The following FERRY3 variants were observed in gnomAD, a reference collection of about 807,000 sequenced individuals.
FERRY3 encodes the protein protein C12orf4.
At chr12:4,536,796 T>C in the FERRY3 span, among the ~76,000 whole-genome samples, 1 of 152,094 alleles carries the variant, frequency 6.6e-6, no homozygotes, top group African/African-American at 2.4e-5. Context: ...AAGAAGAAAA[T>C]CTAGTTAAAG....
At chr12:4,536,550 T>G in the FERRY3 span, among the ~76,000 whole-genome samples, 1 of 151,710 alleles carries the variant, frequency 6.6e-6, no homozygotes, top group Non-Finnish European at 1.5e-5. Context: ...AGTTCATGGG[T>G]GGGGAAATAC....
chr12:4,507,083 T>C, the FERRY3 span, among the ~76,000 whole-genome samples: 1 of 152,162 alleles, frequency 6.6e-6, no homozygotes, highest in Non-Finnish European at 1.5e-5. Flanking sequence ...AAACTTCCTG[T>C]CATTGACTGC....
At chr12:4,505,423 TGAGA>T in the FERRY3 span, 27 of 1,345,938 alleles carry the variant, frequency 2.0e-5, no homozygotes, top group Non-Finnish European at 2.7e-5. Flanking sequence ...TAACAACATA[TGAGA>T]ATATGTTACT....
At chr12:4,533,898 A>G in the FERRY3 span, 1 of 284,166 alleles carries the variant, frequency 3.5e-6, no homozygotes, top group Non-Finnish European at 6.4e-6. Flanking sequence ...TATATTTTTA[A>G]TTACTAAATC....
the FERRY3 span, chr12:4,517,171 T>C: frequency 6.4e-7 from 1 of 1,551,408 alleles, no homozygotes; most frequent in East Asian, 2.4e-5. Context: ...AGTGCATTCT[T>C]GGCAAACTGT....
the FERRY3 span, chr12:4,529,921 T>C: frequency 6.2e-7 from 1 of 1,613,370 alleles, no homozygotes; most frequent in South Asian, 1.1e-5. Context: ...AGTTCTGAGA[T>C]ACTAACAAAG....
At chr12:4,509,598 C>G in the FERRY3 span, among the ~76,000 whole-genome samples, 1 of 146,368 alleles carries the variant, frequency 6.8e-6, no homozygotes, top group Non-Finnish European at 1.5e-5. Context: ...CCCCTGACCC[C>G]CGAGCAGCCT....
the FERRY3 span, chr12:4,490,630 G>A: frequency 3.1e-5 from 46 of 1,506,240 alleles, 1 homozygote; most frequent in South Asian, 4.9e-4. Context: ...ACAAGTTCTG[G>A]CCTTCAAACC....
At chr12:4,505,247 AT>A in the FERRY3 span, 2 of 1,063,408 alleles carry the variant, frequency 1.9e-6, no homozygotes, top group South Asian at 2.6e-5. Flanking sequence ...TATGGTGTGC[AT>A]TATAAAACAT....
the FERRY3 span, chr12:4,488,571 T>G: frequency 6.6e-6 from 1 of 152,206 alleles, no homozygotes; most frequent in African/African-American, 2.4e-5. The surrounding 1 kb of genome is among the most constrained non-coding windows in gnomAD (Gnocchi z 4.9). Context: ...TGGACAAACC[T>G]TTCCCTCGAG....
the FERRY3 span, among the ~76,000 whole-genome samples, chr12:4,506,011 A>G: frequency 6.6e-6 from 1 of 152,122 alleles, no homozygotes; most frequent in Non-Finnish European, 1.5e-5. Flanking sequence ...GATATTTAAC[A>G]GTTTTTCTTC....
chr12:4,529,814 C>A, the FERRY3 span: 3 of 1,370,118 alleles, frequency 2.2e-6, no homozygotes, highest in Non-Finnish European at 3.0e-6. Flanking sequence ...GTTCTGCAGG[C>A]CATCTATTTG....
At chr12:4,523,127 C>A in the FERRY3 span, among the ~76,000 whole-genome samples, 2 of 152,018 alleles carry the variant, frequency 1.3e-5, no homozygotes, top group African/African-American at 4.8e-5. Flanking sequence ...AAAAATAAAG[C>A]AAAAATAAAT....
the FERRY3 span, chr12:4,518,962 T>C: frequency 1.2e-6 from 1 of 857,762 alleles, no homozygotes; most frequent in Non-Finnish European, 1.7e-6. Flanking sequence ...GAGAGAAAAC[T>C]GAACAGCTGA....
chr12:4,516,027 C>T, the FERRY3 span, among the ~76,000 whole-genome samples: 1 of 151,898 alleles, frequency 6.6e-6, no homozygotes, highest in Non-Finnish European at 1.5e-5. Context: ...ATAGAAAAAG[C>T]AGTCATTCAA....
chr12:4,532,280 C>T, the FERRY3 span, among the ~76,000 whole-genome samples: 1 of 152,080 alleles, frequency 6.6e-6, no homozygotes, highest in Admixed American at 6.5e-5. Flanking sequence ...CTGCAGCTCA[C>T]TGCAGTCTTG....
chr12:4,529,181 G>C, the FERRY3 span, among the ~76,000 whole-genome samples: 1 of 152,080 alleles, frequency 6.6e-6, no homozygotes, highest in Non-Finnish European at 1.5e-5. Context: ...AATAATGCTA[G>C]AAGTTTTTTA....
the FERRY3 span, chr12:4,538,299 G>A: frequency 2.0e-5 from 3 of 153,180 alleles, no homozygotes; most frequent in African/African-American, 7.2e-5. Context: ...ATTAATCAGG[G>A]AAAAGGAAGA....
chr12:4,532,483 T>C, the FERRY3 span, among the ~76,000 whole-genome samples: 1 of 152,212 alleles, frequency 6.6e-6, no homozygotes, highest in Non-Finnish European at 1.5e-5. Context: ...TGGTAAATTC[T>C]TTTACCCCTG....
Sources: gnomAD v4.1 joint callset for allele counts (sites outside exome capture counted in the v4.1 genomes callset) on GRCh38, gnomAD v4.1.1 for gene constraint, Gnocchi (gnomAD v3.1) non-coding constraint, MANE v1.5 for transcripts, NCBI Gene and HGNC (gene_info 2026-07-23, HGNC 2026-07-21) for gene names.